Variants in ATP11A observed in about 807,000 individuals in gnomAD.
The protein encoded by ATP11A is phospholipid-transporting ATPase IH.
A neutral mutation model predicts 154.4 loss-of-function variants in ATP11A; 81 were observed. The ratio of observed to expected loss-of-function variants is 0.52; its 90% confidence interval spans 0.44 to 0.63. ATP11A has a LOEUF of 0.63. ATP11A is among the 30% of genes least tolerant of loss of function. The pLI is 0.00. For synonymous variants in ATP11A, 623 were observed against 585.9 expected, an observed-to-expected ratio of 1.06 and a Z score of -0.91; for missense variants, 1,316 against 1,474.3, an observed-to-expected ratio of 0.89 and a Z score of 1.76.
At chr13:112,699,683 T>A (rs1886286179) in intron 1 of ATP11A, among the ~76,000 whole-genome samples, 1 of 152,234 alleles carries the variant, frequency 6.6e-6, no homozygotes, top group Non-Finnish European at 1.5e-5. Flanking sequence ...GATGATGTCA[T>A]TGGTGGAGGC....
At chr13:112,849,086 A>G (rs1225740354) in intron 17 of ATP11A, among the ~76,000 whole-genome samples, 2 of 152,084 alleles carry the variant, frequency 1.3e-5, no homozygotes, top group Non-Finnish European at 2.9e-5. Flanking sequence ...GTTTTTTTTC[A>G]GATGCCTTTT....
At chr13:112,790,192 A>C (rs943289924) in intron 2 of ATP11A, among the ~76,000 whole-genome samples, 3 of 147,172 alleles carry the variant, frequency 2.0e-5, no homozygotes, top group Non-Finnish European at 3.0e-5. Context: ...ATGTAGACCT[A>C]TTTAATTCAC....
intron 14 of ATP11A, among the ~76,000 whole-genome samples, chr13:112,833,557 T>C (rs1265790362): frequency 2.0e-5 from 3 of 152,192 alleles, no homozygotes; most frequent in Admixed American, 6.5e-5. Flanking sequence ...ATCCAGCTCA[T>C]GACTTCTGTA....
At chr13:112,817,562 C>A (rs1195850111) in intron 6 of ATP11A, among the ~76,000 whole-genome samples, 3 of 152,198 alleles carry the variant, frequency 2.0e-5, no homozygotes, top group African/African-American at 7.2e-5. Context: ...TCCATCCACC[C>A]AGAGACCCTG....
At position 112,832,968 on chromosome 13, in the gene ATP11A, T is replaced by C. The variant is rs2079137594; in HGVS notation, c.1504T>C (p.Cys502Arg). ...PRKSPDGGKS[C>R]VYISSSPDEV... ...GAAATCGCCGGACGGGGGGAAATCC[T>C]GTGTGTACATCTCATCCTCGCCCGA... is the stretch of plus-strand genomic sequence containing the variant. Residue 502 changes from cysteine (C) to arginine (R), a missense_variant, in exon 14 of 30, where the codon TGT becomes CGT. This residue lies in a region of ATP11A where 876 missense variants were observed against 1,006.8 expected (regional missense o/e 0.87). Transcript: ENST00000375645. The C allele has an allele frequency of 6.2e-7, 1 of 1,613,774 alleles. No homozygotes were observed. The highest frequency in any genetic ancestry group is 1.3e-5 in the African/African-American group (1 of 74,926).
chr13:112,863,459 C>A (rs540964862), intron 25 of ATP11A, among the ~76,000 whole-genome samples: 12 of 126,862 alleles, frequency 9.5e-5, no homozygotes, highest in East Asian at 2.5e-4. Context: ...CCATCACCAC[C>A]TGCGCAGTAA....
chr13:112,856,214 C>G, intron 20 of ATP11A, 129 bp downstream of exon 20: 1 of 921,372 alleles, frequency 1.1e-6, no homozygotes. Context: ...ATAGAAGCAA[C>G]CGTGATAGAG....
intron 17 of ATP11A, 149 bp downstream of exon 17, chr13:112,842,528 A>T: frequency 1.4e-6 from 1 of 698,858 alleles, no homozygotes; most frequent in Non-Finnish European, 2.4e-6. Flanking sequence ...GCAGACAGAC[A>T]GGCAGCCTCA....
chr13:112,785,293 C>A lies in ATP11A; in HGVS notation c.162+36C>A. 7.1e-7 allele frequency: 1 copy of A among 1,402,702 alleles called. No individual in the cohort carries two copies. Among genetic ancestry groups the A allele is most frequent in the South Asian group, 1.7e-5 (1 of 58,144 alleles). The allele number at this position is 1,402,702 out of a possible 1,614,324, so 86.9% of individuals were successfully genotyped here. On this transcript the variant is annotated intron_variant, in intron 2 of 29. Coordinates refer to ENST00000375645, the MANE Select transcript of ATP11A (RefSeq NM_015205.3). The surrounding 1 kb of genome is among the most constrained non-coding windows in gnomAD (Gnocchi z 4.8). Reference sequence around the variant, plus strand: ...TTGGGTCTGAGTGTCCATAATGTGTCTAAAAAGCAGCTGCCGGGGGGTGTT... The same window carrying A: ...TTGGGTCTGAGTGTCCATAATGTGTATAAAAAGCAGCTGCCGGGGGGTGTT...
At chr13:112,748,345 A>G (rs544752814) in intron 1 of ATP11A, among the ~76,000 whole-genome samples, 49 of 152,350 alleles carry the variant, frequency 3.2e-4, no homozygotes, top group Non-Finnish European at 5.1e-4. Context: ...CTGAGAAACA[A>G]TCATAAATAT....
chr13:112,872,862 G>A (rs1442452403), intron 26 of ATP11A, among the ~76,000 whole-genome samples: 1 of 149,968 alleles, frequency 6.7e-6, no homozygotes, highest in Non-Finnish European at 1.5e-5. Flanking sequence ...TTCCTGAGCA[G>A]TGTGAGCTGT....
Position 112,859,350 on chromosome 13 carries a change from C to A in ATP11A, c.2668-43C>A. ...ACGTCGGTAGGTGGCGGCTGCCTCCCTCTGTCCCGTCACCGAACTAACAGT... is the reference window on the plus strand; with the variant it reads ...ACGTCGGTAGGTGGCGGCTGCCTCCATCTGTCCCGTCACCGAACTAACAGT... On this transcript the variant is annotated intron_variant, in intron 22 of 29. Coordinates refer to ENST00000375645, the MANE Select transcript of ATP11A (RefSeq NM_015205.3). The surrounding 1 kb of genome is among the most constrained non-coding windows in gnomAD (Gnocchi z 4.3). 2 of 1,585,620 alleles carry A rather than the reference C, an allele frequency of 1.3e-6. No homozygotes were observed. The highest frequency in any genetic ancestry group is 1.1e-5 in the South Asian group (1 of 90,454).
At chr13:112,757,818 T>G (rs550238529) in intron 1 of ATP11A, among the ~76,000 whole-genome samples, 2 of 152,380 alleles carry the variant, frequency 1.3e-5, no homozygotes, top group African/African-American at 4.8e-5. Context: ...AGTGTTTCGC[T>G]GCAGTCTGTG....
intron 29 of ATP11A, 145 bp from the exon 30 acceptor site, chr13:112,881,727 TAGTG>T (rs2080889902): frequency 3.0e-6 from 4 of 1,313,030 alleles, no homozygotes; most frequent in Admixed American, 2.0e-5. Context: ...GAGGCGATGG[TAGTG>T]AGTGCATCCC....
intron 2 of ATP11A, among the ~76,000 whole-genome samples, chr13:112,802,051 T>G (rs527447754): frequency 6.6e-6 from 1 of 152,234 alleles, no homozygotes; most frequent in African/African-American, 2.4e-5. Flanking sequence ...GCTGAAAGAA[T>G]AGAGAAATAG....
At position 112,707,115 on chromosome 13, in the gene ATP11A, T is replaced by C. The variant is rs186499519; in HGVS notation, c.39+16660T>C. Among the ~76,000 whole-genome samples the C allele has an allele frequency of 1.6e-4, 25 of 152,294 alleles. No individual in the cohort carries two copies. The East Asian group carries it at 4.6e-3, about 28-fold the overall frequency. ...ACTAAACGAGCATACAGTGCAGTGCTGGGTCAAGAAGTTTTACAGGCTGGG... is the reference window on the plus strand; with the variant it reads ...ACTAAACGAGCATACAGTGCAGTGCCGGGTCAAGAAGTTTTACAGGCTGGG... On this transcript the variant is annotated intron_variant, in intron 1 of 29. Coordinates refer to ENST00000375645, the MANE Select transcript of ATP11A (RefSeq NM_015205.3).
chr13:112,742,249 G>T (rs1891639551), intron 1 of ATP11A, among the ~76,000 whole-genome samples: 1 of 152,186 alleles, frequency 6.6e-6, no homozygotes, highest in Non-Finnish European at 1.5e-5. Context: ...GATGTTGCAT[G>T]GGAAATGCAG....
chr13:112,865,302 G>A (rs12877427), intron 25 of ATP11A, among the ~76,000 whole-genome samples: 892 of 45,756 alleles, frequency 0.019, 3 homozygotes, highest in Middle Eastern at 0.056. Flanking sequence ...CACCACCTGC[G>A]CAGTAATTCA....
intron 1 of ATP11A, among the ~76,000 whole-genome samples, chr13:112,757,621 C>A (rs778638297): frequency 4.6e-5 from 7 of 152,252 alleles, no homozygotes; most frequent in Non-Finnish European, 8.8e-5. Context: ...CTTTCCCAGG[C>A]TGGCCTCCTT....
Sources: allele counts gnomAD v4.1 joint callset (sites outside exome capture counted in the v4.1 genomes callset), GRCh38; gene constraint gnomAD v4.1.1; regional missense constraint gnomAD v4.1.1; non-coding constraint Gnocchi (gnomAD v3.1); transcripts MANE v1.5; gene names NCBI Gene and HGNC (gene_info 2026-07-23, HGNC 2026-07-21).